LONP2: variants seen among roughly 807,000 people sequenced by gnomAD.
LONP2 encodes lon peptidase 2, peroxisomal, also known as lon protease homolog 2, peroxisomal.
LONP2 carries 60 observed loss-of-function variants against 85.6 expected under a neutral mutation model. That is an observed-to-expected ratio of 0.70 (90% CI 0.57 to 0.87). The LOEUF (loss-of-function observed/expected upper bound fraction) is 0.87. Among genes scored for constraint, LONP2 ranks in the 40% least tolerant of loss-of-function variants. The pLI is 0.00. For synonymous variants in LONP2, 395 were observed against 389.7 expected (o/e 1.01, Z -0.16); for missense variants, 860 against 1,063.5 (o/e 0.81, Z 2.66).
intron 14 of LONP2, 118 bp downstream of exon 14, chr16:48,348,408 A>G: frequency 2.0e-6 from 1 of 494,780 alleles, no homozygotes; most frequent in Non-Finnish European, 3.1e-6. Flanking sequence ...AGTATATATT[A>G]TATTTTTATG....
At position 48,362,563 on chromosome 16, in the gene LONP2, G is replaced by T; in HGVS notation, c.*700G>T. Reference sequence around the variant, plus strand: ...ACTGAGCAAAAGAGGAAGAAAAATAGGATTAAAAAAGATATTAAAAAAATA... The same window carrying T: ...ACTGAGCAAAAGAGGAAGAAAAATATGATTAAAAAAGATATTAAAAAAATA... On this transcript the variant is annotated 3_prime_UTR_variant, in exon 5 of 5. Transcript: ENST00000565867. The surrounding 1 kb of genome is among the most constrained non-coding windows in gnomAD (Gnocchi z 4.2). 1 of 859,158 alleles carries T rather than the reference G, an allele frequency of 1.2e-6. No individual in the cohort carries two copies. Among genetic ancestry groups the T allele is most frequent in the Non-Finnish European group, 1.8e-6 (1 of 559,758 alleles). 53.2% of individuals were successfully genotyped at this position (859,158 alleles called of 1,614,324 possible). A position where few individuals can be genotyped will look rare whatever the true frequency, so the allele number is the denominator to read the frequency against.
chr16:48,329,635 G>T (rs1388478126), intron 11 of LONP2, among the ~76,000 whole-genome samples: 1 of 152,158 alleles, frequency 6.6e-6, no homozygotes, highest in Non-Finnish European at 1.5e-5. Context: ...TGCATTTCAG[G>T]TATCCACCGT....
intron 8 of LONP2, among the ~76,000 whole-genome samples, chr16:48,280,659 T>A (rs1413007696): frequency 6.6e-6 from 1 of 152,208 alleles, no homozygotes; most frequent in Non-Finnish European, 1.5e-5. Context: ...TGTAGTTTAG[T>A]TATGAATAGC....
At chr16:48,299,539 G>A (rs981284810) in intron 9 of LONP2, 123 bp from the exon 10 acceptor site, 52 of 941,978 alleles carry the variant, frequency 5.5e-5, no homozygotes, top group South Asian at 4.7e-4. Context: ...CCGAGATCAC[G>A]CCACTGCACT....
At chr16:48,275,805 G>A (rs1161911306) in intron 7 of LONP2, among the ~76,000 whole-genome samples, 2 of 152,138 alleles carry the variant, frequency 1.3e-5, no homozygotes, top group Admixed American at 1.3e-4. Flanking sequence ...TGTAGGCTCT[G>A]GGAAGCAATG....
intron 10 of LONP2, among the ~76,000 whole-genome samples, chr16:48,300,898 G>C (rs2151000176): frequency 6.6e-6 from 1 of 152,308 alleles, no homozygotes; most frequent in Non-Finnish European, 1.5e-5. Flanking sequence ...GAGGGATGGA[G>C]AAAAATCCAG....
At chr16:48,290,877 C>T (rs746765624) in intron 8 of LONP2, among the ~76,000 whole-genome samples, 1 of 152,180 alleles carries the variant, frequency 6.6e-6, no homozygotes, top group Non-Finnish European at 1.5e-5. Context: ...GACAAGTCCT[C>T]AGCCCTCTAA....
intron 7 of LONP2, among the ~76,000 whole-genome samples, chr16:48,275,541 A>G (rs573641529): frequency 6.6e-6 from 1 of 152,304 alleles, no homozygotes; most frequent in African/African-American, 2.4e-5. Flanking sequence ...TAGACATTGC[A>G]TTATTAGAGC....
At chr16:48,357,854 TACTC>T (rs928926862), downstream of LONP2, among the ~76,000 whole-genome samples, 1 of 152,166 alleles carries the variant, frequency 6.6e-6, no homozygotes, top group Non-Finnish European at 1.5e-5. Context: ...CAATAAAAAT[TACTC>T]ACAAAGGAAA....
intron 12 of LONP2, chr16:48,345,467 C>G (rs1304402150): frequency 6.6e-6 from 1 of 152,204 alleles, no homozygotes; most frequent in Non-Finnish European, 1.5e-5. Flanking sequence ...GTATGTCATT[C>G]AGGTATAGAG....
intron 11 of LONP2, among the ~76,000 whole-genome samples, chr16:48,324,315 A>G (rs1352959781): frequency 6.6e-6 from 1 of 152,166 alleles, no homozygotes; most frequent in Non-Finnish European, 1.5e-5. Context: ...CTTTCTCTCC[A>G]TGCTTAAACA....
intron 11 of LONP2, among the ~76,000 whole-genome samples, chr16:48,316,817 C>T (rs1973155984): frequency 1.3e-5 from 2 of 151,914 alleles, no homozygotes; most frequent in South Asian, 4.1e-4. Context: ...ACCTTTTTTT[C>T]CCCCTTGATT....
downstream of LONP2, among the ~76,000 whole-genome samples, chr16:48,359,861 G>A (rs1960512350): frequency 2.6e-5 from 4 of 152,334 alleles, no homozygotes; most frequent in Middle Eastern, 3.4e-3. Context: ...TGGGATAAGG[G>A]TGAAGCCCAA....
intron 11 of LONP2, among the ~76,000 whole-genome samples, chr16:48,322,441 T>C (rs1427645126): frequency 6.6e-6 from 1 of 152,200 alleles, no homozygotes; most frequent in African/African-American, 2.4e-5. Context: ...CACTTCCACA[T>C]CTTGGCCCAC....
chr16:48,269,921 T>G (rs900118810), intron 6 of LONP2, 95 bp from the exon 7 acceptor site: 1 of 1,302,302 alleles, frequency 7.7e-7, no homozygotes, highest in African/African-American at 1.5e-5. Flanking sequence ...ACATCTATTT[T>G]CAAAAAAAAT....
At chr16:48,250,826 C>A (rs1971626746) in intron 1 of LONP2, among the ~76,000 whole-genome samples, 1 of 152,194 alleles carries the variant, frequency 6.6e-6, no homozygotes, top group Non-Finnish European at 1.5e-5. Context: ...GAAATATTAT[C>A]TACTATTGAT....
At chr16:48,329,658 G>A (rs1210426837) in intron 11 of LONP2, among the ~76,000 whole-genome samples, 2 of 152,222 alleles carry the variant, frequency 1.3e-5, no homozygotes, top group Non-Finnish European at 2.9e-5. Context: ...GTCTGGAAAT[G>A]TATCGCCTGT....
At chr16:48,279,055 T>G (rs533142456) in intron 8 of LONP2, among the ~76,000 whole-genome samples, 44 of 152,176 alleles carry the variant, frequency 2.9e-4, no homozygotes, top group Non-Finnish European at 5.9e-4. Flanking sequence ...TTGTAATATA[T>G]CTTATCTCCA....
intron 6 of LONP2, 107 bp from the exon 7 acceptor site, chr16:48,269,909 T>C (rs930023620): frequency 2.3e-5 from 26 of 1,131,640 alleles, no homozygotes; most frequent in Non-Finnish European, 3.1e-5. Context: ...TCTGTTCTTA[T>C]CACATCTATT....
Sources: gnomAD v4.1 joint callset for allele counts (sites outside exome capture counted in the v4.1 genomes callset) on GRCh38, gnomAD v4.1.1 for gene constraint, Gnocchi (gnomAD v3.1) non-coding constraint, MANE v1.5 for transcripts, NCBI Gene and HGNC (gene_info 2026-07-23, HGNC 2026-07-21) for gene names.